TNKS: variants seen among roughly 807,000 people sequenced by gnomAD.
The protein encoded by TNKS is tankyrase.
Under a neutral mutation model 135.8 loss-of-function variants are expected in TNKS, and 72 were observed. The observed-to-expected ratio is 0.53, with a 90% CI of 0.44 to 0.64. The LOEUF is 0.64. Ranked by LOEUF, TNKS falls within the 30% of genes least tolerant of loss-of-function variation. TNKS has a pLI of 0.00. For synonymous variants in TNKS, 849 were observed against 649.3 expected (o/e 1.31, Z -4.68); for missense variants, 1,769 against 1,674.0 (o/e 1.06, Z -0.99).
chr8:9,644,126 T>C (rs1800822845), intron 3 of TNKS, among the ~76,000 whole-genome samples: 1 of 151,588 alleles, frequency 6.6e-6, no homozygotes, highest in Non-Finnish European at 1.5e-5. Flanking sequence ...GAGGGGGGAA[T>C]GGGGAATTAG....
In TNKS at chr8:9,740,639, G is replaced by A. The variant is rs568021549; in HGVS notation, c.2643+5153G>A. ...TGAGTGTTAGTACTGAAATCCTCTTGAAACTACAGTATTTAAAGTTACCTT... is the reference window on the plus strand; with the variant it reads ...TGAGTGTTAGTACTGAAATCCTCTTAAAACTACAGTATTTAAAGTTACCTT... On this transcript the variant is annotated intron_variant, in intron 17 of 26. Transcript: ENST00000310430. 4.9e-4 allele frequency among the ~76,000 whole-genome samples: 75 copies of A among 152,190 alleles called. 1 individual carries two copies. In the South Asian group the frequency reaches 0.015, roughly 31 times the overall value.
intron 3 of TNKS, among the ~76,000 whole-genome samples, chr8:9,653,702 T>C (rs1801233012): frequency 6.6e-6 from 1 of 152,160 alleles, no homozygotes; most frequent in African/African-American, 2.4e-5. Context: ...CTCAGCATCA[T>C]TATATTGCCA....
chr8:9,766,228 C>G lies in TNKS; in HGVS notation c.3554-11C>G, dbSNP rs369895386. On this transcript the variant is annotated splice_polypyrimidine_tract_variant and intron_variant, in intron 24 of 26. Transcript: ENST00000310430. The stretch of plus-strand genomic sequence containing the variant: ...GTTCAAAAACGAATCTTTCTGTCTT[C>G]GTATTTCTAGGTTCTCCTTTCATTA... 21 of 1,590,960 alleles carry G rather than the reference C, an allele frequency of 1.3e-5. No individual in the cohort carries two copies. The highest frequency in any genetic ancestry group is 1.2e-4 in the African/African-American group (9 of 74,092).
intron 2 of TNKS, among the ~76,000 whole-genome samples, chr8:9,603,784 T>C (rs1376317305): frequency 6.6e-6 from 1 of 152,148 alleles, no homozygotes; most frequent in African/African-American, 2.4e-5. Flanking sequence ...GAAATGTTTA[T>C]CTTATGTTCT....
intron 20 of TNKS, among the ~76,000 whole-genome samples, chr8:9,760,005 A>AG (rs910336802): frequency 3.9e-5 from 6 of 151,904 alleles, no homozygotes; most frequent in Non-Finnish European, 7.4e-5. Flanking sequence ...AAAAAAAAAA[A>AG]GTAAAGTCTG....
At chr8:9,773,550 T>C (rs906806793) in intron 26 of TNKS, among the ~76,000 whole-genome samples, 2 of 152,204 alleles carry the variant, frequency 1.3e-5, no homozygotes, top group African/African-American at 2.4e-5. Flanking sequence ...GGTAAATATT[T>C]ATTTCATAAT....
intron 3 of TNKS, among the ~76,000 whole-genome samples, chr8:9,638,497 C>T (rs562823764): frequency 6.6e-6 from 1 of 152,312 alleles, no homozygotes; most frequent in East Asian, 1.9e-4. Context: ...CATGTGTATA[C>T]ATACATTTTA....
intron 3 of TNKS, among the ~76,000 whole-genome samples, chr8:9,661,172 A>G (rs1007769573): frequency 3.9e-5 from 6 of 151,978 alleles, no homozygotes; most frequent in African/African-American, 1.4e-4. Flanking sequence ...GGTAATTTCT[A>G]GATTCAATGC....
At chr8:9,573,554 A>C (rs1429600203) in intron 1 of TNKS, among the ~76,000 whole-genome samples, 2 of 152,192 alleles carry the variant, frequency 1.3e-5, no homozygotes, top group Non-Finnish European at 1.5e-5. Context: ...CTTCAGGCTA[A>C]ATTAAATTTA....
intron 3 of TNKS, among the ~76,000 whole-genome samples, chr8:9,668,838 T>C (rs1282281591): frequency 6.6e-6 from 1 of 152,180 alleles, no homozygotes; most frequent in African/African-American, 2.4e-5. Context: ...TAGGGAACAG[T>C]GAATAATAAA....
chr8:9,763,112 C>G (rs772581093), intron 21 of TNKS, 35 bp from the exon 22 acceptor site: 14 of 840,322 alleles, frequency 1.7e-5, no homozygotes, highest in Admixed American at 2.2e-5. Flanking sequence ...GTAGTGTAGA[C>G]TTTTGTTTTA....
At chr8:9,647,557 G>C (rs1159273887) in intron 3 of TNKS, among the ~76,000 whole-genome samples, 2 of 152,148 alleles carry the variant, frequency 1.3e-5, no homozygotes, top group Non-Finnish European at 2.9e-5. Context: ...CAACCCAGAG[G>C]CAGTAACTGC....
chr8:9,636,690 G>T (rs915757011), intron 3 of TNKS, among the ~76,000 whole-genome samples: 1 of 152,096 alleles, frequency 6.6e-6, no homozygotes, highest in Non-Finnish European at 1.5e-5. Context: ...GTGTCATTTT[G>T]TCTTGCCTTT....
At chr8:9,600,064 C>T (rs1326977173) in intron 2 of TNKS, among the ~76,000 whole-genome samples, 1 of 152,140 alleles carries the variant, frequency 6.6e-6, no homozygotes, top group African/African-American at 2.4e-5. Context: ...TTTGTCCTAA[C>T]AGCCCTATGA....
intron 18 of TNKS, among the ~76,000 whole-genome samples, chr8:9,749,441 G>A (rs1295497784): frequency 6.6e-6 from 1 of 151,396 alleles, no homozygotes; most frequent in Non-Finnish European, 1.5e-5. Context: ...GTTCACTGTG[G>A]CTGTCTTTTT....
At chr8:9,620,621 C>G (rs1239410069) in intron 3 of TNKS, among the ~76,000 whole-genome samples, 2 of 152,166 alleles carry the variant, frequency 1.3e-5, no homozygotes, top group East Asian at 1.9e-4. Flanking sequence ...CTCTCTTGGT[C>G]TCTTTGCTTC....
intron 3 of TNKS, among the ~76,000 whole-genome samples, chr8:9,664,067 G>A (rs10094356): frequency 0.032 from 4,911 of 152,222 alleles, 183 homozygotes; most frequent in African/African-American, 0.094. Context: ...GCCATCAGTC[G>A]TCTCATTATA....
chr8:9,595,498 A>C (rs546769848), intron 2 of TNKS, among the ~76,000 whole-genome samples: 1 of 152,004 alleles, frequency 6.6e-6, no homozygotes, highest in Admixed American at 6.6e-5. Context: ...TTTACCTGAT[A>C]AAATTGGGAC....
At chr8:9,751,549 A>C (rs922980982) in intron 18 of TNKS, 60 bp from the exon 19 acceptor site, 4 of 1,498,664 alleles carry the variant, frequency 2.7e-6, no homozygotes, top group African/African-American at 2.8e-5. Context: ...TTATCAGTGA[A>C]AAACTTACCA....
Sources: gnomAD v4.1 joint callset for allele counts (sites outside exome capture counted in the v4.1 genomes callset) on GRCh38, gnomAD v4.1.1 for gene constraint, MANE v1.5 for transcripts, NCBI Gene and HGNC (gene_info 2026-07-23, HGNC 2026-07-21) for gene names.